GRID2: variants seen among roughly 807,000 people sequenced by gnomAD.
GRID2 encodes glutamate ionotropic receptor delta type subunit 2, also known as glutamate receptor ionotropic, delta-2.
GRID2 carries 33 observed loss-of-function variants against 114.8 expected under a neutral mutation model. The ratio of observed to expected loss-of-function variants is 0.29; its 90% confidence interval spans 0.22 to 0.38. The LOEUF (loss-of-function observed/expected upper bound fraction) is 0.38, where lower values mean the gene tolerates loss of function less well. Among genes scored for constraint, GRID2 ranks in the 10% least tolerant of loss-of-function variants. The probability of loss-of-function intolerance (pLI) is 1.00; values close to 1 mark genes in which losing one functional copy is unlikely to be tolerated. For synonymous variants in GRID2, 505 were observed against 449.9 expected (o/e 1.12, Z -1.55); for missense variants, 1,184 against 1,257.7 (o/e 0.94, Z 0.89).
intron 1 of GRID2, among the ~76,000 whole-genome samples, chr4:92,435,403 T>C (rs751771384): frequency 2.0e-5 from 3 of 152,218 alleles, no homozygotes; most frequent in Non-Finnish European, 1.5e-5. Flanking sequence ...AGAAGATAGA[T>C]GTGCCTTTTA....
At chr4:92,794,149 T>C (rs1258468031) in intron 2 of GRID2, among the ~76,000 whole-genome samples, 3 of 151,840 alleles carry the variant, frequency 2.0e-5, no homozygotes, top group Admixed American at 1.3e-4. Flanking sequence ...TCAGAGTTCT[T>C]ACTATCAGCC....
chr4:93,745,529 G>A (rs1731771104), intron 14 of GRID2, among the ~76,000 whole-genome samples: 1 of 152,062 alleles, frequency 6.6e-6, no homozygotes, highest in Non-Finnish European at 1.5e-5. Flanking sequence ...AGTACCAAAG[G>A]GCAGTGAGTG....
chr4:93,194,782 A>C (rs1741318302), intron 4 of GRID2, among the ~76,000 whole-genome samples: 1 of 152,162 alleles, frequency 6.6e-6, no homozygotes, highest in Non-Finnish European at 1.5e-5. Flanking sequence ...TGAACCTACA[A>C]TATTGCATCA....
At chr4:93,405,447 A>G (rs1171403761) in intron 9 of GRID2, among the ~76,000 whole-genome samples, 6 of 152,042 alleles carry the variant, frequency 3.9e-5, no homozygotes, top group Non-Finnish European at 7.4e-5. Context: ...GCATGACCCT[A>G]CTTTTCTCCT....
intron 13 of GRID2, among the ~76,000 whole-genome samples, chr4:93,603,286 G>A (rs1445215361): frequency 6.6e-6 from 1 of 152,172 alleles, no homozygotes; most frequent in Non-Finnish European, 1.5e-5. Flanking sequence ...TTGTAGTGGT[G>A]TTGTTAGAAG....
At chr4:93,730,443 T>G (rs1242954050) in intron 14 of GRID2, among the ~76,000 whole-genome samples, 1 of 152,214 alleles carries the variant, frequency 6.6e-6, no homozygotes, top group African/African-American at 2.4e-5. Flanking sequence ...CTGCCAGGTC[T>G]CAGAGCAGCT....
intron 10 of GRID2, among the ~76,000 whole-genome samples, chr4:93,427,704 A>C (rs1015702377): frequency 2.6e-5 from 4 of 151,490 alleles, no homozygotes; most frequent in Non-Finnish European, 5.9e-5. Context: ...AAATGCAGTC[A>C]GAGAGAGAGA....
At chr4:93,047,879 C>CA (rs772844863) in intron 2 of GRID2, among the ~76,000 whole-genome samples, 10,531 of 143,416 alleles carry the variant, frequency 0.073, 686 homozygotes, top group East Asian at 0.17. Flanking sequence ...AACAAACAAA[C>CA]AAACAAAAAA....
At chr4:93,392,865 C>G (rs1158653611) in intron 8 of GRID2, among the ~76,000 whole-genome samples, 2 of 151,810 alleles carry the variant, frequency 1.3e-5, no homozygotes, top group Non-Finnish European at 2.9e-5. Flanking sequence ...CTAATTTTAC[C>G]TCTTAGTATA....
intron 1 of GRID2, among the ~76,000 whole-genome samples, chr4:92,415,778 A>ATATATATATATATC (rs1553932687): frequency 8.7e-6 from 1 of 115,524 alleles, no homozygotes; most frequent in Non-Finnish European, 1.8e-5. Context: ...ATATATATAT[A>ATATATATATATATC]TATCACATTT....
chr4:92,442,941 G>T lies in GRID2; in HGVS notation c.88+138197G>T, dbSNP rs1428733754. On this transcript the variant is annotated intron_variant, in intron 1 of 15. Coordinates refer to ENST00000282020, the MANE Select transcript of GRID2 (RefSeq NM_001510.4). ...GCCGGACCAGGTGTGAGGAGGGGAG[G>T]TGATAAAAAGATTATAGGGTGGAGG... 4.6e-5 allele frequency among the ~76,000 whole-genome samples: 7 copies of T among 152,146 alleles called. 1 individual carries two copies. In the East Asian group the frequency reaches 1.4e-3, roughly 29 times the overall value.
intron 14 of GRID2, among the ~76,000 whole-genome samples, chr4:93,629,274 A>G (rs952613951): frequency 6.6e-6 from 1 of 152,200 alleles, no homozygotes; most frequent in Non-Finnish European, 1.5e-5. Flanking sequence ...TTTGATATGC[A>G]GTACAGATGT....
At chr4:93,543,839 G>A (rs927692056) in intron 13 of GRID2, among the ~76,000 whole-genome samples, 3 of 152,090 alleles carry the variant, frequency 2.0e-5, no homozygotes, top group African/African-American at 4.8e-5. Flanking sequence ...GCCTTTGGGC[G>A]ACCTTGAAAA....
At chr4:93,519,927 G>A (rs138054359) in intron 13 of GRID2, among the ~76,000 whole-genome samples, 111 of 152,276 alleles carry the variant, frequency 7.3e-4, no homozygotes, top group Middle Eastern at 3.4e-3. Context: ...CATCAGGGCT[G>A]CAACCAAGCC....
chr4:92,892,449 GT>G (rs1464564378), intron 2 of GRID2, among the ~76,000 whole-genome samples: 1 of 152,018 alleles, frequency 6.6e-6, no homozygotes, highest in Non-Finnish European at 1.5e-5. Context: ...CAAATACATT[GT>G]TTTTTGAAAA....
intron 1 of GRID2, among the ~76,000 whole-genome samples, chr4:92,338,783 G>C (rs28572563): frequency 1.3e-5 from 2 of 152,028 alleles, no homozygotes; most frequent in African/African-American, 4.8e-5. Context: ...AGAAAATCTT[G>C]TGTTCATAAA....
chr4:93,055,105 T>G (rs987624574), intron 2 of GRID2, among the ~76,000 whole-genome samples: 2 of 151,960 alleles, frequency 1.3e-5, no homozygotes, highest in African/African-American at 4.8e-5. Flanking sequence ...AGTTTTAATA[T>G]ATACTTTAAT....
chr4:93,207,484 ACT>A (rs752712124), intron 5 of GRID2, 27 bp downstream of exon 5: 3 of 1,415,660 alleles, frequency 2.1e-6, no homozygotes, highest in African/African-American at 2.8e-5. Context: ...CTTATTGTTA[ACT>A]CTGTGTCCTT....
At chr4:92,815,132 T>G (rs1443150135) in intron 2 of GRID2, among the ~76,000 whole-genome samples, 1 of 152,134 alleles carries the variant, frequency 6.6e-6, no homozygotes, top group Non-Finnish European at 1.5e-5. Flanking sequence ...TTTCCTTTTG[T>G]GCCCAGGATT....
Sources: gnomAD v4.1 joint callset for allele counts (sites outside exome capture counted in the v4.1 genomes callset) on GRCh38, gnomAD v4.1.1 for gene constraint, MANE v1.5 for transcripts, NCBI Gene and HGNC (gene_info 2026-07-23, HGNC 2026-07-21) for gene names.